Variants in RHOA observed in about 807,000 individuals in gnomAD.
RHOA encodes the protein transforming protein RhoA.
A neutral mutation model predicts 17.5 loss-of-function variants in RHOA; 3 were observed. The observed-to-expected ratio is 0.17, with a 90% confidence interval of 0.08 to 0.44. The LOEUF (loss-of-function observed/expected upper bound fraction) is 0.44. Among genes scored for constraint, RHOA ranks in the 20% least tolerant of loss-of-function variants. The pLI is 0.99. For synonymous variants in RHOA, 98 were observed against 88.4 expected (o/e 1.11, Z -0.61); for missense variants, 56 against 242.3 (o/e 0.23, Z 5.10).
At chr3:49,408,209 C>T (rs569283562) in intron 1 of RHOA, among the ~76,000 whole-genome samples, 1 of 150,658 alleles carries the variant, frequency 6.6e-6, no homozygotes, top group South Asian at 2.1e-4. Flanking sequence ...CATACACACA[C>T]GTATATGTAC....
At chr3:49,376,823 T>C (rs936810773) in intron 1 of RHOA, among the ~76,000 whole-genome samples, 6 of 151,670 alleles carry the variant, frequency 4.0e-5, no homozygotes, top group Non-Finnish European at 8.8e-5. Flanking sequence ...AATCTAGATT[T>C]GTTTGTAAAG....
At chr3:49,387,710 G>A (rs1018457488) in intron 1 of RHOA, among the ~76,000 whole-genome samples, 6 of 148,502 alleles carry the variant, frequency 4.0e-5, no homozygotes, top group African/African-American at 7.5e-5. Context: ...CTGCACCCCA[G>A]CCCGGGGGAC....
chr3:49,403,414 C>T lies in RHOA; in HGVS notation c.-3+8406G>A, dbSNP rs545304821. Among the ~76,000 whole-genome samples, 9 of 152,238 alleles carry T rather than the reference C, an allele frequency of 5.9e-5. No individual in the cohort carries two copies. The South Asian group carries it at 1.9e-3, about 32-fold the overall frequency. The stretch of plus-strand genomic sequence containing the variant: ...TGGCAATTACTTGGGTATACACATT[C>T]ATCAAAATTTATCAAACTGGCGGTT... On this transcript the variant is annotated intron_variant, in intron 1 of 4. Coordinates refer to ENST00000418115, the MANE Select transcript of RHOA (RefSeq NM_001664.4).
intron 1 of RHOA, among the ~76,000 whole-genome samples, chr3:49,402,090 A>C (rs114776462): frequency 1.3e-5 from 2 of 152,166 alleles, no homozygotes; most frequent in African/African-American, 4.8e-5. Flanking sequence ...TTCTTTGGGG[A>C]AAGACAGGCA....
chr3:49,363,564 C>T (rs2048006678), intron 3 of RHOA, among the ~76,000 whole-genome samples: 1 of 151,240 alleles, frequency 6.6e-6, no homozygotes, highest in Non-Finnish European at 1.5e-5. Flanking sequence ...GGCTAAACCC[C>T]ATCTCCAGAC....
rs138813425 is a variant in RHOA, at chr3:49,374,491, G to C, written c.156+943C>G. ...CCCAGCACTTTGGGAGGCTGAGGCA[G>C]GTGGATCATCTGAGGTCAGGAGCTT... On this transcript the variant is annotated intron_variant, in intron 2 of 4. Coordinates refer to ENST00000418115, the MANE Select transcript of RHOA (RefSeq NM_001664.4). Among the ~76,000 whole-genome samples, 487 of 152,266 alleles carry C rather than the reference G, an allele frequency of 3.2e-3. 7 individuals are homozygous for C. The highest frequency in any genetic ancestry group is 0.011 in the African/African-American group (454 of 41,556).
intron 1 of RHOA, among the ~76,000 whole-genome samples, chr3:49,395,741 C>T (rs2048604706): frequency 6.7e-6 from 1 of 150,156 alleles, no homozygotes; most frequent in South Asian, 2.1e-4. Context: ...AGAAACAGAG[C>T]CTTGGCAGGG....
intron 3 of RHOA, among the ~76,000 whole-genome samples, chr3:49,367,779 C>A (rs1364505853): frequency 6.6e-6 from 1 of 151,762 alleles, no homozygotes; most frequent in African/African-American, 2.4e-5. Flanking sequence ...GCCTCGGCCT[C>A]CCAAAGTGCT....
chr3:49,379,773 C>T (rs752255346), intron 1 of RHOA, among the ~76,000 whole-genome samples: 2 of 152,212 alleles, frequency 1.3e-5, no homozygotes, highest in Admixed American at 1.3e-4. Context: ...GCCTGTCTCT[C>T]CCAGTGTGTT....
chr3:49,379,847 T>C (rs2048288847), intron 1 of RHOA, among the ~76,000 whole-genome samples: 1 of 152,166 alleles, frequency 6.6e-6, no homozygotes, highest in South Asian at 2.1e-4. Context: ...TTTAAAAAGG[T>C]GAATTGTAAG....
intron 1 of RHOA, among the ~76,000 whole-genome samples, chr3:49,388,053 C>T (rs980558724): frequency 7.3e-5 from 11 of 151,494 alleles, no homozygotes; most frequent in African/African-American, 2.7e-4. Flanking sequence ...GTTGCCCAGG[C>T]TGGAGTGCAG....
At chr3:49,403,762 T>C (rs1201643483) in intron 1 of RHOA, among the ~76,000 whole-genome samples, 3 of 151,984 alleles carry the variant, frequency 2.0e-5, no homozygotes, top group Non-Finnish European at 2.9e-5. Context: ...AAACTATCAT[T>C]TAAAGTATGT....
chr3:49,395,905 G>A (rs2048607518), intron 1 of RHOA, among the ~76,000 whole-genome samples: 1 of 152,094 alleles, frequency 6.6e-6, no homozygotes, highest in Non-Finnish European at 1.5e-5. Context: ...TTTCCCCACA[G>A]TCAGCTGAAA....
chr3:49,374,052 G>GAA (rs1168215649), intron 2 of RHOA, among the ~76,000 whole-genome samples: 1 of 152,046 alleles, frequency 6.6e-6, no homozygotes, highest in African/African-American at 2.4e-5. Flanking sequence ...TTATGTTAAA[G>GAA]TAAAAAAAAA....
At chr3:49,390,227 C>T (rs185969007) in intron 1 of RHOA, among the ~76,000 whole-genome samples, 2 of 151,920 alleles carry the variant, frequency 1.3e-5, no homozygotes, top group Non-Finnish European at 2.9e-5. Flanking sequence ...CTCCACCTCC[C>T]GGGTTCAAGC....
intron 2 of RHOA, among the ~76,000 whole-genome samples, chr3:49,369,408 A>C (rs1575648209): frequency 6.6e-6 from 1 of 152,190 alleles, no homozygotes; most frequent in East Asian, 1.9e-4. Context: ...TGAAAATCTG[A>C]GAACCCACCT....
At chr3:49,385,215 CCCT>C (rs1013026853) in intron 1 of RHOA, among the ~76,000 whole-genome samples, 11 of 151,148 alleles carry the variant, frequency 7.3e-5, no homozygotes, top group Admixed American at 2.0e-4. Context: ...TCCATTGCCC[CCCT>C]ACCTTTTTTT....
In RHOA at chr3:49,359,878, G is replaced by A. The variant is rs2047931815; in HGVS notation, c.*331C>T. On this transcript the variant is annotated 3_prime_UTR_variant, in exon 5 of 5. Transcript: ENST00000418115. ...ATAGGCAGGACATGTTAGTTATAAAGTAGTTACAGCCTAATTCACAAAAGT... is the reference window on the plus strand; with the variant it reads ...ATAGGCAGGACATGTTAGTTATAAAATAGTTACAGCCTAATTCACAAAAGT... 2.7e-5 allele frequency: 8 copies of A among 298,972 alleles called. No homozygotes were observed. In the East Asian group the frequency reaches 4.3e-4, roughly 16 times the overall value. 18.5% of individuals were successfully genotyped at this position (298,972 alleles called of 1,614,324 possible).
intron 1 of RHOA, among the ~76,000 whole-genome samples, chr3:49,391,823 C>CTT (rs59591685): frequency 0.17 from 16,822 of 99,514 alleles, 1,956 homozygotes; most frequent in Non-Finnish European, 0.26. Context: ...ATTAATTTAT[C>CTT]TTTTTTTTTT....
Sources: allele counts gnomAD v4.1 joint callset (sites outside exome capture counted in the v4.1 genomes callset), GRCh38; gene constraint gnomAD v4.1.1; transcripts MANE v1.5; gene names NCBI Gene and HGNC (gene_info 2026-07-23, HGNC 2026-07-21).